Variants in CNTNAP2 observed in about 807,000 individuals in gnomAD.
The protein encoded by CNTNAP2 is contactin associated protein 2.
A neutral mutation model predicts 155.2 loss-of-function variants in CNTNAP2; 98 were observed. The observed-to-expected ratio is 0.63, with a 90% CI of 0.54 to 0.75. CNTNAP2 has a LOEUF of 0.75. Among genes scored for constraint, CNTNAP2 ranks in the 30% least tolerant of loss-of-function variants. The pLI, the probability that CNTNAP2 is intolerant of heterozygous loss-of-function variation, is 0.00. For synonymous variants in CNTNAP2, 651 were observed against 631.2 expected, an observed-to-expected ratio of 1.03 and a Z score of -0.47; for missense variants, 1,727 against 1,688.1, an observed-to-expected ratio of 1.02 and a Z score of -0.40.
chr7:146,323,134 A>G (rs557414990), intron 1 of CNTNAP2, among the ~76,000 whole-genome samples: 1 of 152,226 alleles, frequency 6.6e-6, no homozygotes, highest in Non-Finnish European at 1.5e-5. Context: ...TTTTCATGGG[A>G]ACTGGAAGGG....
intron 2 of CNTNAP2, among the ~76,000 whole-genome samples, chr7:146,839,195 A>G (rs62481425): frequency 0.24 from 35,762 of 151,826 alleles, 4,880 homozygotes; most frequent in Middle Eastern, 0.38. Context: ...TGTACCTCTC[A>G]GTGGTACAGG....
chr7:148,034,535 G>A (rs185874220), intron 15 of CNTNAP2, among the ~76,000 whole-genome samples: 11 of 152,250 alleles, frequency 7.2e-5, no homozygotes, highest in Middle Eastern at 3.4e-3. Flanking sequence ...AGGTCCTTAC[G>A]AGATGCCAGC....
chr7:148,008,001 A>C (rs982681491), intron 15 of CNTNAP2, among the ~76,000 whole-genome samples: 1 of 152,110 alleles, frequency 6.6e-6, no homozygotes, highest in Non-Finnish European at 1.5e-5. Flanking sequence ...TAAATTAAGG[A>C]TCTATAAATG....
intron 13 of CNTNAP2, among the ~76,000 whole-genome samples, chr7:147,772,481 TATAC>T (rs1563083264): frequency 9.4e-5 from 10 of 106,600 alleles, no homozygotes; most frequent in African/African-American, 3.7e-4. Context: ...TATATATATA[TATAC>T]ACACACAAAA....
intron 1 of CNTNAP2, among the ~76,000 whole-genome samples, chr7:146,750,837 T>G (rs1585072942): frequency 1.3e-5 from 2 of 152,306 alleles, no homozygotes; most frequent in East Asian, 1.9e-4. Flanking sequence ...AGCAAAAATT[T>G]TACTACTTTT....
At position 147,518,964 on chromosome 7, in the gene CNTNAP2, G is replaced by C. The variant is rs892624350; in HGVS notation, c.1777+32923G>C. Among the ~76,000 whole-genome samples the C allele has an allele frequency of 3.5e-4, 9 of 25,844 alleles. No homozygotes were observed. In the Admixed American group the frequency reaches 4.5e-3, roughly 13 times the overall value. The allele number at this position is 25,844 out of a possible 152,430, so 17.0% of individuals were successfully genotyped here. ...GAGAATCGCTTGAACCCGGGAGGCGGAGGTTGCAGTGAGCCGAGATAGCGC... is the reference window on the plus strand; with the variant it reads ...GAGAATCGCTTGAACCCGGGAGGCGCAGGTTGCAGTGAGCCGAGATAGCGC... On this transcript the variant is annotated intron_variant, in intron 11 of 23. Coordinates refer to ENST00000361727, the MANE Select transcript of CNTNAP2 (RefSeq NM_014141.6).
At chr7:148,036,469 A>G (rs1802575754) in intron 15 of CNTNAP2, among the ~76,000 whole-genome samples, 1 of 152,152 alleles carries the variant, frequency 6.6e-6, no homozygotes, top group Non-Finnish European at 1.5e-5. Context: ...TTATAAAAGG[A>G]TGAATTTGGC....
chr7:147,283,226 A>G (rs1805085719), intron 8 of CNTNAP2, among the ~76,000 whole-genome samples: 1 of 151,940 alleles, frequency 6.6e-6, no homozygotes, highest in African/African-American at 2.4e-5. Context: ...TTTATGTTGT[A>G]CATTAAATAT....
chr7:147,136,517 G>T (rs954973205), intron 8 of CNTNAP2, among the ~76,000 whole-genome samples: 2 of 151,836 alleles, frequency 1.3e-5, no homozygotes, highest in Non-Finnish European at 2.9e-5. Flanking sequence ...GTGTTCCATT[G>T]GGTGTCTCAA....
chr7:147,264,490 G>A (rs2116691974), intron 8 of CNTNAP2, among the ~76,000 whole-genome samples: 1 of 151,122 alleles, frequency 6.6e-6, no homozygotes, highest in East Asian at 2.0e-4. Context: ...AGTCTGAAAT[G>A]GAGTATCTGA....
intron 11 of CNTNAP2, among the ~76,000 whole-genome samples, chr7:147,507,546 CTTTCTTTTT>C (rs1160473675): frequency 2.8e-4 from 32 of 115,454 alleles, no homozygotes; most frequent in African/African-American, 1.0e-3. Flanking sequence ...CTTTCTCTTT[CTTTCTTTTT>C]TTTTTTTTTT....
intron 8 of CNTNAP2, among the ~76,000 whole-genome samples, chr7:147,220,902 A>T (rs1406742206): frequency 6.6e-6 from 1 of 151,850 alleles, no homozygotes; most frequent in Admixed American, 6.6e-5. Flanking sequence ...TTTAGTTGAG[A>T]TGGGGTTTTG....
chr7:146,879,999 G>A (rs373204524), intron 3 of CNTNAP2, among the ~76,000 whole-genome samples: 9 of 152,074 alleles, frequency 5.9e-5, no homozygotes, highest in South Asian at 4.1e-4. Flanking sequence ...ATCAGATCTC[G>A]TAAGACTTAT....
intron 3 of CNTNAP2, among the ~76,000 whole-genome samples, chr7:146,941,011 A>G (rs942456216): frequency 6.6e-6 from 1 of 151,958 alleles, no homozygotes; most frequent in East Asian, 1.9e-4. Flanking sequence ...TTTGCATGAG[A>G]CATCTTTTTC....
chr7:147,079,443 CCTT>C lies in CNTNAP2; in HGVS notation c.551-28700_551-28698del, dbSNP rs1414376350. On this transcript the variant is annotated intron_variant, in intron 4 of 23. Transcript: ENST00000361727. ...TATTCAAAAGACCCACAGCCTGACT[CCTT>C]CTTTATAATACACACCCTGGATAGC... Among the ~76,000 whole-genome samples the C allele has an allele frequency of 2.6e-5, 4 of 152,088 alleles. No homozygotes were observed. The South Asian group carries it at 6.2e-4, about 24-fold the overall frequency.
At chr7:146,788,250 A>T (rs572502970) in intron 2 of CNTNAP2, among the ~76,000 whole-genome samples, 3 of 152,104 alleles carry the variant, frequency 2.0e-5, no homozygotes, top group Admixed American at 1.3e-4. Flanking sequence ...CCAGAGGGGG[A>T]CCCCCACAGC....
At chr7:147,601,257 G>A (rs10227050) in intron 12 of CNTNAP2, among the ~76,000 whole-genome samples, 2,998 of 152,186 alleles carry the variant, frequency 0.02, 96 homozygotes, top group African/African-American at 0.069. Context: ...CAGCAAGGCT[G>A]TTTATTTCAC....
At chr7:146,515,757 G>T (rs1318121882) in intron 1 of CNTNAP2, among the ~76,000 whole-genome samples, 1 of 151,986 alleles carries the variant, frequency 6.6e-6, no homozygotes, top group African/African-American at 2.4e-5. Flanking sequence ...TGGTCCTATG[G>T]AAAACTAAGT....
chr7:146,195,628 G>A (rs966828086), intron 1 of CNTNAP2, among the ~76,000 whole-genome samples: 3 of 152,110 alleles, frequency 2.0e-5, no homozygotes, highest in African/African-American at 7.2e-5. Context: ...AAATTTTGAA[G>A]GGTGCAAACT....
Sources: allele counts gnomAD v4.1 joint callset (sites outside exome capture counted in the v4.1 genomes callset), GRCh38; gene constraint gnomAD v4.1.1; transcripts MANE v1.5; gene names NCBI Gene and HGNC (gene_info 2026-07-23, HGNC 2026-07-21).